THSD4: variants seen among roughly 807,000 people sequenced by gnomAD.
THSD4 encodes the protein thrombospondin type 1 domain containing 4.
A neutral mutation model predicts 119.0 loss-of-function variants in THSD4; 69 were observed. The ratio of observed to expected loss-of-function variants is 0.58; its 90% confidence interval spans 0.48 to 0.71. The LOEUF (loss-of-function observed/expected upper bound fraction) is 0.71. THSD4 is among the 30% of genes least tolerant of loss of function. THSD4 has a pLI of 0.00. For missense variants in THSD4, 1,393 were observed against 1,391.1 expected (o/e 1.00, Z -0.02); for synonymous variants, 524 against 540.4 (o/e 0.97, Z 0.42).
At chr15:71,749,900 T>C (rs1180227764) in intron 14 of THSD4, among the ~76,000 whole-genome samples, 2 of 151,694 alleles carry the variant, frequency 1.3e-5, no homozygotes, top group Non-Finnish European at 2.9e-5. Flanking sequence ...CCACCCCGGC[T>C]AATTTTTTGT....
intron 2 of THSD4, among the ~76,000 whole-genome samples, chr15:71,146,040 T>C (rs999671618): frequency 2.0e-5 from 3 of 152,238 alleles, no homozygotes; most frequent in African/African-American, 4.8e-5. Flanking sequence ...ATGAATAAAT[T>C]AATAACTACC....
rs537352621 is a variant in THSD4, at chr15:71,294,060, A to C, written c.1015+37345A>C. 1.6e-4 allele frequency among the ~76,000 whole-genome samples: 25 copies of C among 151,862 alleles called. No homozygotes were observed. In the South Asian group the frequency reaches 5.2e-3, roughly 32 times the overall value. ...CTTTGTATTTTTCCTGCTTTAGTCCATTTCCCTTCTAGCTCCTTCTGTTCT... is the reference window on the plus strand; with the variant it reads ...CTTTGTATTTTTCCTGCTTTAGTCCCTTTCCCTTCTAGCTCCTTCTGTTCT... On this transcript the variant is annotated intron_variant, in intron 6 of 17. Transcript: ENST00000261862.
In THSD4 at chr15:71,205,250, G is replaced by A. The variant is rs114855727; in HGVS notation, c.100-9785G>A. Among the ~76,000 whole-genome samples, 1,175 of 152,216 alleles carry A rather than the reference G, an allele frequency of 7.7e-3. 14 individuals are homozygous for A. Among genetic ancestry groups the A allele is most frequent in the African/African-American group, 0.026 (1,094 of 41,474 alleles). On this transcript the variant is annotated intron_variant, in intron 3 of 17. Coordinates refer to ENST00000261862, the MANE Select transcript of THSD4 (RefSeq NM_024817.3). ...AGAGATAGGGCAGGGGCATGTCCAC[G>A]TGTTCAGGGTATACACTCAATAACA...
intron 6 of THSD4, among the ~76,000 whole-genome samples, chr15:71,303,712 A>C (rs1450605893): frequency 1.3e-5 from 2 of 152,224 alleles, no homozygotes; most frequent in East Asian, 3.9e-4. Context: ...TTATGCTGGC[A>C]TCTTGGGTCC....
At position 71,229,676 on chromosome 15, in the gene THSD4, C is replaced by T. The variant is rs920784068; in HGVS notation, c.465-12973C>T. ...TGCAGAACTCATGGATATGGCTGAC[C>T]GTACACTGTGCTAATTATTTTTATG... On this transcript the variant is annotated intron_variant, in intron 4 of 17. Transcript: ENST00000261862. Among the ~76,000 whole-genome samples, 5 of 152,190 alleles carry T rather than the reference C, an allele frequency of 3.3e-5. No individual in the cohort carries two copies. The East Asian group carries it at 5.8e-4, about 18-fold the overall frequency.
chr15:71,270,707 G>A (rs183041383), intron 6 of THSD4, among the ~76,000 whole-genome samples: 95 of 152,258 alleles, frequency 6.2e-4, no homozygotes, highest in Non-Finnish European at 1.1e-3. Context: ...GTTTCCAGAA[G>A]GAGAGGTGGT....
At chr15:71,604,190 A>G (rs1210905567) in intron 7 of THSD4, among the ~76,000 whole-genome samples, 1 of 152,160 alleles carries the variant, frequency 6.6e-6, no homozygotes, top group African/African-American at 2.4e-5. Flanking sequence ...ATTTATTAAA[A>G]GTTTTGCTAG....
chr15:71,099,832 GCACACACCTGTGGTTC>G (rs932404982), intron 1 of THSD4, among the ~76,000 whole-genome samples: 2 of 152,198 alleles, frequency 1.3e-5, no homozygotes, highest in African/African-American at 4.8e-5. Flanking sequence ...GGTCGTGGTG[GCACACACCTGTGGTTC>G]CATTGGGAGG....
intron 7 of THSD4, among the ~76,000 whole-genome samples, chr15:71,444,320 T>G (rs2047150250): frequency 1.3e-5 from 2 of 152,232 alleles, no homozygotes; most frequent in Non-Finnish European, 2.9e-5. Context: ...TCACAAATTC[T>G]GAAGAACTCA....
intron 8 of THSD4, among the ~76,000 whole-genome samples, chr15:71,714,934 C>G (rs1417093781): frequency 2.0e-5 from 3 of 152,162 alleles, no homozygotes; most frequent in Admixed American, 6.5e-5. Context: ...TAAATTGTTA[C>G]TGTGACAGAA....
At chr15:71,743,234 A>AGG (rs2053270677) in intron 11 of THSD4, among the ~76,000 whole-genome samples, 1 of 152,186 alleles carries the variant, frequency 6.6e-6, no homozygotes, top group Non-Finnish European at 1.5e-5. Context: ...CATCTTCCCA[A>AGG]GACACAGAGC....
At chr15:71,268,522 C>T (rs891969405) in intron 6 of THSD4, among the ~76,000 whole-genome samples, 7 of 152,082 alleles carry the variant, frequency 4.6e-5, no homozygotes, top group Non-Finnish European at 8.8e-5. Context: ...CTAAAATCAA[C>T]ACCCCAACAC....
At chr15:71,537,760 A>T (rs771263101) in intron 7 of THSD4, among the ~76,000 whole-genome samples, 8 of 151,776 alleles carry the variant, frequency 5.3e-5, no homozygotes, top group East Asian at 1.9e-4. Context: ...ATTTTTTTTT[A>T]TTTTTTTATT....
intron 7 of THSD4, among the ~76,000 whole-genome samples, chr15:71,415,657 A>G (rs2046750031): frequency 6.6e-6 from 1 of 152,034 alleles, no homozygotes; most frequent in African/African-American, 2.4e-5. Context: ...TGTACCCATT[A>G]ACTATGCTCA....
intron 8 of THSD4, among the ~76,000 whole-genome samples, chr15:71,690,770 C>T (rs2052031346): frequency 6.6e-6 from 1 of 152,136 alleles, no homozygotes; most frequent in South Asian, 2.1e-4. Flanking sequence ...GGAAACTCCT[C>T]CTTATAAAAC....
intron 16 of THSD4, 111 bp from the exon 17 acceptor site, chr15:71,770,953 T>C: frequency 6.7e-7 from 1 of 1,492,776 alleles, no homozygotes; most frequent in Non-Finnish European, 9.0e-7. Flanking sequence ...TTTGTTTTCA[T>C]ATTCTGTCTC....
intron 6 of THSD4, among the ~76,000 whole-genome samples, chr15:71,345,453 A>G (rs2045642462): frequency 6.6e-6 from 1 of 152,160 alleles, no homozygotes; most frequent in Non-Finnish European, 1.5e-5. Flanking sequence ...TCTGAAAGCA[A>G]ATTAAGATTT....
intron 4 of THSD4, among the ~76,000 whole-genome samples, chr15:71,233,476 T>TA (rs1370962602): frequency 8.5e-5 from 13 of 152,156 alleles, no homozygotes; most frequent in East Asian, 3.9e-4. Context: ...ATTTTTTCTT[T>TA]AAAAAAAACA....
intron 7 of THSD4, among the ~76,000 whole-genome samples, chr15:71,465,290 A>T (rs945890979): frequency 1.3e-5 from 2 of 152,200 alleles, no homozygotes; most frequent in Non-Finnish European, 2.9e-5. Flanking sequence ...GTCATAAACA[A>T]ATGAGCTCCC....
Sources: allele counts gnomAD v4.1 joint callset (sites outside exome capture counted in the v4.1 genomes callset), GRCh38; gene constraint gnomAD v4.1.1; transcripts MANE v1.5; gene names NCBI Gene and HGNC (gene_info 2026-07-23, HGNC 2026-07-21).